Variants in PCED1B observed in about 807,000 individuals in gnomAD.
The protein encoded by PCED1B is PC-esterase domain containing 1B.
For synonymous variants in PCED1B, 251 were observed against 246.1 expected, an observed-to-expected ratio of 1.02 and a Z score of -0.19; for missense variants, 573 against 573.9, an observed-to-expected ratio of 1.00 and a Z score of 0.02.
At chr12:47,131,556 T>A (rs1489225195) in intron 2 of PCED1B, among the ~76,000 whole-genome samples, 2 of 151,838 alleles carry the variant, frequency 1.3e-5, no homozygotes, top group Admixed American at 6.6e-5. Context: ...GAGCACAAAA[T>A]GGAAAGGGGA....
intron 2 of PCED1B, among the ~76,000 whole-genome samples, chr12:47,191,777 G>T (rs1048374599): frequency 3.3e-5 from 5 of 151,098 alleles, no homozygotes; most frequent in Admixed American, 6.6e-5. Flanking sequence ...AAGTTTTGGG[G>T]TTTTTTTGGT....
intron 2 of PCED1B, among the ~76,000 whole-genome samples, chr12:47,138,917 T>C (rs947780309): frequency 1.1e-4 from 16 of 152,196 alleles, no homozygotes; most frequent in Admixed American, 6.5e-5. Flanking sequence ...TGGGATAATG[T>C]TTTTCAACTA....
intron 2 of PCED1B, among the ~76,000 whole-genome samples, chr12:47,117,466 C>G (rs117249680): frequency 1.3e-5 from 2 of 151,938 alleles, no homozygotes; most frequent in Non-Finnish European, 2.9e-5. Flanking sequence ...TCTGTCCATG[C>G]GACAGTTTGC....
chr12:47,229,780 T>C (rs1451110844), intron 3 of PCED1B, among the ~76,000 whole-genome samples: 1 of 152,096 alleles, frequency 6.6e-6, no homozygotes, highest in Non-Finnish European at 1.5e-5. Flanking sequence ...TCTTTTCTTT[T>C]TTTTTTTGAG....
At chr12:47,125,238 A>G (rs1166939295) in intron 2 of PCED1B, among the ~76,000 whole-genome samples, 1 of 151,868 alleles carries the variant, frequency 6.6e-6, no homozygotes, top group Admixed American at 6.6e-5. Flanking sequence ...ATTGATTGCA[A>G]ATTGTTCCAT....
chr12:47,142,715 G>A (rs369050145), intron 2 of PCED1B, among the ~76,000 whole-genome samples: 2 of 151,834 alleles, frequency 1.3e-5, no homozygotes, highest in Non-Finnish European at 2.9e-5. Flanking sequence ...ACTTGATCGC[G>A]CAGAAGAAAA....
At position 47,235,985 on chromosome 12, in the gene PCED1B, C is replaced by G; in HGVS notation, c.922C>G (p.Gln308Glu). 1 of 1,612,700 alleles carries G rather than the reference C, an allele frequency of 6.2e-7. No homozygotes were observed. Residue 308 changes from glutamine to glutamate, a missense_variant, in exon 4 of 4, where the codon CAG becomes GAG. Gln to Glu is a conservative substitution (Grantham distance 29). Transcript: ENST00000546455. ...CCGCCCCCTGCTTGGGTTCCCACCC[C>G]AGCGCTTGCCGCTGCTCCCGCTCCT... ...TYRPLLGFPP[Q>E]RLPLLPLLSP...
At chr12:47,203,553 G>C (rs1443353224) in intron 2 of PCED1B, among the ~76,000 whole-genome samples, 1 of 152,192 alleles carries the variant, frequency 6.6e-6, no homozygotes, top group Non-Finnish European at 1.5e-5. Context: ...TTATAAGTGA[G>C]AACATGCAAT....
chr12:47,222,443 A>AAAG (rs1555156330), intron 3 of PCED1B, among the ~76,000 whole-genome samples: 16 of 147,204 alleles, frequency 1.1e-4, no homozygotes, highest in African/African-American at 3.8e-4. Context: ...AAAAAAAAAA[A>AAAG]AGAGAGAGAA....
At chr12:47,134,044 T>A (rs961430834) in intron 2 of PCED1B, among the ~76,000 whole-genome samples, 3 of 152,204 alleles carry the variant, frequency 2.0e-5, no homozygotes, top group African/African-American at 7.2e-5. Context: ...ATTTCTGTTG[T>A]TTATAAGCCA....
At chr12:47,135,683 C>T (rs1001521824) in intron 2 of PCED1B, 27 of 523,190 alleles carry the variant, frequency 5.2e-5, no homozygotes, top group Non-Finnish European at 9.7e-5. Flanking sequence ...CTATGAAGTC[C>T]GGGCAGCAGG....
At chr12:47,081,133 G>A (rs1161017399) in intron 1 of PCED1B, among the ~76,000 whole-genome samples, 2 of 152,162 alleles carry the variant, frequency 1.3e-5, no homozygotes, top group Non-Finnish European at 2.9e-5. Flanking sequence ...GAGTCAGATC[G>A]CCCATTTGGC....
intron 2 of PCED1B, among the ~76,000 whole-genome samples, chr12:47,117,319 G>A (rs146928623): frequency 0.095 from 14,459 of 152,072 alleles, 1,227 homozygotes; most frequent in African/African-American, 0.23. Flanking sequence ...TTTACATTAG[G>A]TGTATCTCCT....
At chr12:47,139,601 T>C in intron 2 of PCED1B, among the ~76,000 whole-genome samples, 1 of 152,050 alleles carries the variant, frequency 6.6e-6, no homozygotes, top group Non-Finnish European at 1.5e-5. Context: ...AGTGGCCAGA[T>C]CATGTGGGAT....
At chr12:47,190,390 C>A (rs1942405026) in intron 2 of PCED1B, among the ~76,000 whole-genome samples, 1 of 152,186 alleles carries the variant, frequency 6.6e-6, no homozygotes, top group South Asian at 2.1e-4. Context: ...TGGTCTCCAA[C>A]CTTTGGCACC....
chr12:47,215,254 C>T (rs1354929407), intron 2 of PCED1B, among the ~76,000 whole-genome samples: 1 of 146,778 alleles, frequency 6.8e-6, no homozygotes, highest in African/African-American at 2.4e-5. Context: ...ATCTCCCCCA[C>T]CCTTTTTTTT....
chr12:47,197,501 G>A (rs1325880282), intron 2 of PCED1B, among the ~76,000 whole-genome samples: 4 of 151,208 alleles, frequency 2.6e-5, no homozygotes, highest in East Asian at 1.9e-4. Flanking sequence ...CCAGCTACTC[G>A]GGAGGCTGAG....
At chr12:47,224,588 C>T (rs930867821) in intron 3 of PCED1B, among the ~76,000 whole-genome samples, 3 of 152,154 alleles carry the variant, frequency 2.0e-5, no homozygotes, top group African/African-American at 7.2e-5. Flanking sequence ...TTACACGGAG[C>T]CCAGTTTGAA....
At chr12:47,087,782 A>G (rs1264551676) in intron 1 of PCED1B, among the ~76,000 whole-genome samples, 2 of 152,202 alleles carry the variant, frequency 1.3e-5, no homozygotes, top group Non-Finnish European at 2.9e-5. Flanking sequence ...GAAAACCATT[A>G]AACGGTCAGA....
Sources: gnomAD v4.1 joint callset for allele counts (sites outside exome capture counted in the v4.1 genomes callset) on GRCh38, gnomAD v4.1.1 for gene constraint, MANE v1.5 for transcripts, NCBI Gene and HGNC (gene_info 2026-07-23, HGNC 2026-07-21) for gene names.